The following STARD13 variants were observed in gnomAD, a reference collection of about 807,000 sequenced individuals.
STARD13 encodes the protein stAR-related lipid transfer protein 13.
Under a neutral mutation model 106.4 loss-of-function variants are expected in STARD13, and 62 were observed. The ratio of observed to expected loss-of-function variants is 0.58; its 90% CI spans 0.48 to 0.72. STARD13 has a LOEUF of 0.72. Ranked by LOEUF, STARD13 falls within the 30% of genes least tolerant of loss-of-function variation. The pLI is 0.00. For missense variants in STARD13, 1,387 were observed against 1,424.0 expected (o/e 0.97, Z 0.42); for synonymous variants, 565 against 553.0 (o/e 1.02, Z -0.31).
At chr13:33,432,406 A>G in the STARD13 span, among the ~76,000 whole-genome samples, 1 of 152,174 alleles carries the variant, frequency 6.6e-6, no homozygotes, top group Admixed American at 6.5e-5. Flanking sequence ...AGGTTAGAAC[A>G]GTGCCTCATG....
intron 5 of STARD13, among the ~76,000 whole-genome samples, chr13:33,127,879 GT>G (rs11311812): frequency 0.54 from 80,909 of 149,722 alleles, 22,711 homozygotes; most frequent in Non-Finnish European, 0.62. Flanking sequence ...GTGTGTGTGT[GT>G]ATGTGAGAGA....
chr13:33,579,213 G>A, the STARD13 span, among the ~76,000 whole-genome samples: 12 of 152,088 alleles, frequency 7.9e-5, no homozygotes, highest in African/African-American at 2.4e-4. Flanking sequence ...TGTGTTTATC[G>A]CAGTATAGTT....
At chr13:33,603,741 A>T in the STARD13 span, among the ~76,000 whole-genome samples, 30 of 152,322 alleles carry the variant, frequency 2.0e-4, no homozygotes, top group Admixed American at 7.8e-4. Flanking sequence ...AAAAAATTTT[A>T]AAAATTTTTC....
chr13:33,192,090 C>T (rs1171939313), intron 1 of STARD13, among the ~76,000 whole-genome samples: 1 of 152,180 alleles, frequency 6.6e-6, no homozygotes, highest in Non-Finnish European at 1.5e-5. Context: ...CAGCAATTAA[C>T]CCGGTGTTAG....
chr13:33,542,108 T>C, the STARD13 span, among the ~76,000 whole-genome samples: 317 of 152,292 alleles, frequency 2.1e-3, 3 homozygotes, highest in East Asian at 0.045. Context: ...CACGAAGACA[T>C]GCTTTCTTAA....
At chr13:33,350,160 C>G in intron 1 of STARD13, 2 of 1,252,864 alleles carry the variant, frequency 1.6e-6, no homozygotes, top group Non-Finnish European at 2.0e-6. Flanking sequence ...CCGCAGCCCG[C>G]TCGCCCCGGC....
intron 1 of STARD13, among the ~76,000 whole-genome samples, chr13:33,314,392 G>A (rs1893252292): frequency 6.6e-6 from 1 of 152,154 alleles, no homozygotes. Flanking sequence ...CAGGACTACA[G>A]CCACGGTGGT....
rs183423467 is a variant in STARD13, at chr13:33,117,959, T to C, written c.2281+106A>G. 7.6e-4 allele frequency: 1,175 copies of C among 1,545,966 alleles called. 26 individuals carry two copies. The Admixed American group carries it at 0.021, about 27-fold the overall frequency. ...GAGAGCAGGATTACATACATCTTTATGGATTGATGTATTATTCGTATAATT... is the reference window on the plus strand; with the variant it reads ...GAGAGCAGGATTACATACATCTTTACGGATTGATGTATTATTCGTATAATT... On this transcript the variant is annotated intron_variant, in intron 8 of 13. Coordinates refer to ENST00000336934, the MANE Select transcript of STARD13 (RefSeq NM_178006.4).
chr13:33,367,717 G>A, the STARD13 span, among the ~76,000 whole-genome samples: 2 of 151,342 alleles, frequency 1.3e-5, no homozygotes, highest in Non-Finnish European at 2.9e-5. Context: ...TGCCTATCTA[G>A]CATGCCTTTA....
chr13:33,434,790 C>T, the STARD13 span, among the ~76,000 whole-genome samples: 1 of 151,746 alleles, frequency 6.6e-6, no homozygotes, highest in African/African-American at 2.4e-5. Flanking sequence ...TTTTTGAGCA[C>T]CTGTTGTATG....
At chr13:33,120,403 T>C (rs1329276609) in intron 7 of STARD13, among the ~76,000 whole-genome samples, 1 of 152,204 alleles carries the variant, frequency 6.6e-6, no homozygotes, top group Non-Finnish European at 1.5e-5. Flanking sequence ...TTTAATTATT[T>C]TAGACATGTC....
chr13:33,353,449 C>T (rs1045970373), upstream of STARD13, among the ~76,000 whole-genome samples: 2 of 152,150 alleles, frequency 1.3e-5, no homozygotes, highest in Non-Finnish European at 2.9e-5. Flanking sequence ...TCAGGCGACA[C>T]CCTCCCCTGG....
chr13:33,384,292 A>G, the STARD13 span, among the ~76,000 whole-genome samples: 1 of 152,208 alleles, frequency 6.6e-6, no homozygotes, highest in African/African-American at 2.4e-5. Context: ...GTTGAACGGA[A>G]ATCCTTCTCT....
chr13:33,499,633 T>C, the STARD13 span, among the ~76,000 whole-genome samples: 90 of 128,698 alleles, frequency 7.0e-4, no homozygotes, highest in Non-Finnish European at 1.1e-3. Context: ...TTCTTCTTCT[T>C]CTTCTTCTTC....
chr13:33,637,815 C>T, the STARD13 span, among the ~76,000 whole-genome samples: 3 of 152,110 alleles, frequency 2.0e-5, no homozygotes, highest in African/African-American at 4.8e-5. Context: ...AGATAATTTG[C>T]TTCAAGGAAA....
the STARD13 span, among the ~76,000 whole-genome samples, chr13:33,607,196 C>T: frequency 6.6e-6 from 1 of 150,978 alleles, no homozygotes; most frequent in South Asian, 2.1e-4. Context: ...TTTTAAAGCA[C>T]TGAAGTTACA....
chr13:33,609,293 C>T, the STARD13 span, among the ~76,000 whole-genome samples: 1 of 152,044 alleles, frequency 6.6e-6, no homozygotes, highest in Non-Finnish European at 1.5e-5. Flanking sequence ...TGTAAATACG[C>T]AGCTTAAGCA....
chr13:33,674,915 T>C, the STARD13 span, among the ~76,000 whole-genome samples: 1 of 152,206 alleles, frequency 6.6e-6, no homozygotes, highest in Non-Finnish European at 1.5e-5. Context: ...ATACATAGTA[T>C]TTGGATGCAG....
chr13:33,160,878 T>C (rs1213707594), intron 3 of STARD13, among the ~76,000 whole-genome samples: 2 of 152,192 alleles, frequency 1.3e-5, no homozygotes, highest in African/African-American at 4.8e-5. Context: ...AAAGTTAAAA[T>C]AAACTTATCA....
Sources: gnomAD v4.1 joint callset for allele counts (sites outside exome capture counted in the v4.1 genomes callset) on GRCh38, gnomAD v4.1.1 for gene constraint, MANE v1.5 for transcripts, NCBI Gene and HGNC (gene_info 2026-07-23, HGNC 2026-07-21) for gene names.